Variants in GLDC observed in about 807,000 individuals in gnomAD.
GLDC encodes glycine decarboxylase.
Under a neutral mutation model 121.3 loss-of-function variants are expected in GLDC, and 104 were observed. The ratio of observed to expected loss-of-function variants is 0.86; its 90% CI spans 0.73 to 1.01. The LOEUF is 1.01. Among genes scored for constraint, GLDC ranks in the 50% least tolerant of loss-of-function variants. GLDC has a pLI of 0.00. For missense variants in GLDC, 1,429 were observed against 1,306.6 expected (o/e 1.09, Z -1.44); for synonymous variants, 546 against 480.6 (o/e 1.14, Z -1.78).
Position 6,593,071 on chromosome 9 carries a change from G to A in GLDC, c.1262-81C>T, listed in dbSNP as rs73400317. The stretch of plus-strand genomic sequence containing the variant: ...TTGACATGTCACAGAATAATAAAGA[G>A]ATAAATTCTACTAGACTCTTGTTGG... On this transcript the variant is annotated intron_variant, in intron 9 of 24. Coordinates refer to ENST00000321612, the MANE Select transcript of GLDC (RefSeq NM_000170.3). 6 of 1,466,320 alleles carry A rather than the reference G, an allele frequency of 4.1e-6. No individual in the cohort carries two copies. In the East Asian group the frequency reaches 6.8e-5, roughly 17 times the overall value. The allele number at this position is 1,466,320 out of a possible 1,614,324, so 90.8% of individuals were successfully genotyped here.
intron 3 of GLDC, among the ~76,000 whole-genome samples, chr9:6,613,133 T>C (rs1417706520): frequency 2.0e-5 from 3 of 152,212 alleles, no homozygotes; most frequent in Admixed American, 2.0e-4. Context: ...CTACCATTCA[T>C]TAACCATCTC....
At chr9:6,639,362 A>G (rs1372433735) in intron 2 of GLDC, 4 of 934,696 alleles carry the variant, frequency 4.3e-6, no homozygotes, top group Admixed American at 1.7e-5. Flanking sequence ...CTTGACCACT[A>G]TGCTATCATC....
chr9:6,612,694 T>G (rs1818883927), intron 3 of GLDC, among the ~76,000 whole-genome samples: 1 of 152,082 alleles, frequency 6.6e-6, no homozygotes, highest in African/African-American at 2.4e-5. Flanking sequence ...AAACCCCGTC[T>G]CTACTAAGAA....
chr9:6,638,996 G>A (rs372971948), intron 2 of GLDC: 190 of 424,226 alleles, frequency 4.5e-4, no homozygotes, highest in Admixed American at 2.3e-3. Flanking sequence ...GCAACAGAGC[G>A]AGACTCTGTC....
chr9:6,536,079 C>T lies in GLDC; in HGVS notation c.2823G>A (p.Arg941=). The change falls in exon 23 of 25, where the codon AGG becomes AGA. Residue 941 remains arginine, a synonymous_variant. Coordinates refer to ENST00000321612, the MANE Select transcript of GLDC (RefSeq NM_000170.3). ...GCCTACGCACCTTCAGCGGATTGAC[C>T]CTGGGGTCGATGCGGCCCTCCTCAA... The part of the protein sequence containing the change: ...ADIEEGRIDP[R]VNPLKMSPHS... The T allele has an allele frequency of 6.2e-7, 1 of 1,613,692 alleles. No homozygotes were observed. The highest frequency in any genetic ancestry group is 8.5e-7 in the Non-Finnish European group (1 of 1,179,872).
intron 2 of GLDC, among the ~76,000 whole-genome samples, chr9:6,643,632 C>A (rs1249728904): frequency 6.6e-6 from 1 of 151,818 alleles, no homozygotes; most frequent in African/African-American, 2.4e-5. Flanking sequence ...GAAAAGCAAT[C>A]TTGGACCATT....
intron 3 of GLDC, among the ~76,000 whole-genome samples, chr9:6,613,147 TG>T (rs1433941901): frequency 6.6e-6 from 1 of 152,228 alleles, no homozygotes; most frequent in Admixed American, 6.5e-5. Flanking sequence ...CCATCTCTTA[TG>T]GGTCAGGAAC....
At chr9:6,608,619 A>G (rs1287237026) in intron 4 of GLDC, among the ~76,000 whole-genome samples, 2 of 150,242 alleles carry the variant, frequency 1.3e-5, no homozygotes, top group African/African-American at 2.4e-5. Flanking sequence ...GGTGGCAGGC[A>G]CCTGTAGTCC....
intron 15 of GLDC, chr9:6,569,461 G>A (rs1194636165): frequency 6.6e-6 from 1 of 151,942 alleles, no homozygotes; most frequent in Non-Finnish European, 1.5e-5. Context: ...AGACCAGCCT[G>A]GATAATATGG....
intron 4 of GLDC, 113 bp downstream of exon 4, chr9:6,610,079 G>T: frequency 1.2e-6 from 1 of 838,466 alleles, no homozygotes; most frequent in African/African-American, 1.7e-5. Flanking sequence ...TCTCTGAAAA[G>T]TCATACTCTA....
intron 21 of GLDC, 75 bp from the exon 22 acceptor site, chr9:6,540,221 T>C: frequency 1.0e-6 from 1 of 962,740 alleles, no homozygotes; most frequent in African/African-American, 1.6e-5. Flanking sequence ...ATAAGTAATT[T>C]AATAAATAAG....
chr9:6,619,793 C>T (rs1421225260), intron 3 of GLDC, among the ~76,000 whole-genome samples: 2 of 152,124 alleles, frequency 1.3e-5, no homozygotes, highest in African/African-American at 4.8e-5. Flanking sequence ...CAGACTCCAC[C>T]AATGACTCAA....
At chr9:6,606,699 T>G (rs1818741331) in intron 4 of GLDC, 30 bp from the exon 5 acceptor site, 6 of 1,257,036 alleles carry the variant, frequency 4.8e-6, no homozygotes, top group Non-Finnish European at 5.8e-6. Context: ...CATTCCAACG[T>G]GAACATTAAA....
At chr9:6,629,957 A>ATATATATATATATATTT in intron 2 of GLDC, among the ~76,000 whole-genome samples, 1 of 83,102 alleles carries the variant, frequency 1.2e-5, no homozygotes. Flanking sequence ...ATATATATAT[A>ATATATATATATATATTT]TTTTTTTTTT....
intron 2 of GLDC, among the ~76,000 whole-genome samples, chr9:6,627,338 C>G (rs112906255): frequency 7.3e-6 from 1 of 136,330 alleles, no homozygotes; most frequent in African/African-American, 2.7e-5. Context: ...AAATAAAGAA[C>G]AAAATATTAA....
At chr9:6,580,646 C>T (rs560003312) in intron 15 of GLDC, among the ~76,000 whole-genome samples, 1 of 152,206 alleles carries the variant, frequency 6.6e-6, no homozygotes, top group African/African-American at 2.4e-5. Flanking sequence ...ACTCTTGTCT[C>T]CTTGCGGGCT....
chr9:6,588,328 T>C (rs1818309489), intron 14 of GLDC, 73 bp downstream of exon 14: 5 of 974,034 alleles, frequency 5.1e-6, no homozygotes, highest in Admixed American at 1.7e-5. Flanking sequence ...TAGATTTCAC[T>C]AGTTCTGGGC....
At chr9:6,620,888 C>A (rs1487628491) in intron 2 of GLDC, among the ~76,000 whole-genome samples, 1 of 152,232 alleles carries the variant, frequency 6.6e-6, no homozygotes, top group East Asian at 1.9e-4. Flanking sequence ...TCATGCAGGG[C>A]TGTGAACAGT....
At chr9:6,561,900 TAAC>T (rs1817766753) in intron 16 of GLDC, among the ~76,000 whole-genome samples, 2 of 152,198 alleles carry the variant, frequency 1.3e-5, no homozygotes, top group Admixed American at 6.5e-5. Context: ...TGGTAAAATC[TAAC>T]AACCAAAGGC....
Sources: gnomAD v4.1 joint callset for allele counts (sites outside exome capture counted in the v4.1 genomes callset) on GRCh38, gnomAD v4.1.1 for gene constraint, MANE v1.5 for transcripts, NCBI Gene and HGNC (gene_info 2026-07-23, HGNC 2026-07-21) for gene names.